The following MYO1E variants were observed in gnomAD, a reference collection of about 807,000 sequenced individuals.
MYO1E encodes unconventional myosin-Ie.
In MYO1E, 68 loss-of-function variants were observed where a neutral mutation model predicts 151.1. That is an observed-to-expected ratio of 0.45 (90% CI 0.37 to 0.55). MYO1E has a LOEUF of 0.55. Among genes scored for constraint, MYO1E ranks in the 20% least tolerant of loss-of-function variants. MYO1E has a pLI of 0.00. For missense variants in MYO1E, 1,363 were observed against 1,389.3 expected (o/e 0.98, Z 0.30); for synonymous variants, 601 against 501.7 (o/e 1.20, Z -2.64).
intron 1 of MYO1E, among the ~76,000 whole-genome samples, chr15:59,298,467 G>A (rs1454381436): frequency 6.6e-6 from 1 of 152,186 alleles, no homozygotes; most frequent in Non-Finnish European, 1.5e-5. Context: ...AGAACTATGA[G>A]TCAAGGTGAT....
intron 19 of MYO1E, among the ~76,000 whole-genome samples, chr15:59,175,029 G>GTGA (rs1205593989): frequency 4.6e-5 from 7 of 152,128 alleles, no homozygotes; most frequent in African/African-American, 1.4e-4. Flanking sequence ...TGGGGCAGAA[G>GTGA]TCACCCTAGA....
At position 59,174,204 on chromosome 15, in the gene MYO1E, C is replaced by T. The variant is rs1282962090; in HGVS notation, c.2086G>A (p.Asp696Asn). The change falls in exon 20 of 28, where the codon GAT becomes AAT. Residue 696 changes from aspartate (D) to asparagine (N), a missense_variant. Coordinates refer to ENST00000288235, the MANE Select transcript of MYO1E (RefSeq NM_004998.4). ...LLEEMRERKY[D>N]GYARVIQKSW... ...TTCTGTATCACTCGAGCATACCCAT[C>T]ATACTTTCTCTCTCTCATCTCTTCT... The T allele has an allele frequency of 6.2e-7, 1 of 1,613,954 alleles. No homozygotes were observed. The highest frequency in any genetic ancestry group is 1.3e-5 in the African/African-American group (1 of 74,938).
Position 59,153,636 on chromosome 15 carries a change from G to T in MYO1E, c.3034C>A (p.Pro1012Thr), listed in dbSNP as rs746556749. Reference sequence around the variant, plus strand: ...ACCTTGAGGAAATCCAGGCTCTCTGGCGTCTGTGACACTCGGTCTGAACTG... The same window carrying T: ...ACCTTGAGGAAATCCAGGCTCTCTGTCGTCTGTGACACTCGGTCTGAACTG... ...STSSDRVSQT[P>T]ESLDFLKVPD... Residue 1012 changes from proline to threonine, a missense_variant, in exon 26 of 28, where the codon CCA becomes ACA. By Grantham distance (38) the Pro-to-Thr change is conservative (BLOSUM62 -1). Transcript: ENST00000288235. The T allele has an allele frequency of 2.0e-5, 32 of 1,614,028 alleles. No homozygotes were observed. The highest frequency in any genetic ancestry group is 8.3e-5 in the Admixed American group (5 of 60,012).
intron 1 of MYO1E, among the ~76,000 whole-genome samples, chr15:59,319,870 C>G (rs1021375765): frequency 6.6e-6 from 1 of 152,056 alleles, no homozygotes; most frequent in African/African-American, 2.4e-5. Flanking sequence ...CCATTGCACT[C>G]CAGCCTGGGC....
chr15:59,281,279 T>G (rs1335451560), intron 1 of MYO1E, among the ~76,000 whole-genome samples: 9 of 149,916 alleles, frequency 6.0e-5, no homozygotes, highest in African/African-American at 2.0e-4. Flanking sequence ...TTCTTTTCTT[T>G]CTTTTTTTTT....
intron 18 of MYO1E, 72 bp downstream of exon 18, chr15:59,188,046 G>A (rs1032310191): frequency 1.7e-6 from 2 of 1,155,270 alleles, no homozygotes; most frequent in African/African-American, 1.5e-5. Context: ...CTTGAAGTGG[G>A]TGAATTGTAT....
At chr15:59,336,779 G>A (rs754221967) in intron 1 of MYO1E, among the ~76,000 whole-genome samples, 1 of 131,420 alleles carries the variant, frequency 7.6e-6, no homozygotes, top group Non-Finnish European at 1.6e-5. Flanking sequence ...AGTGTGTGAT[G>A]TTCCCCTCCC....
intron 1 of MYO1E, among the ~76,000 whole-genome samples, chr15:59,311,238 T>C (rs1470831528): frequency 3.9e-5 from 6 of 151,988 alleles, no homozygotes; most frequent in Admixed American, 1.3e-4. Flanking sequence ...TCCATGACAG[T>C]CATAGGAGTG....
At chr15:59,325,630 A>AAAG (rs2080658887) in intron 1 of MYO1E, among the ~76,000 whole-genome samples, 1 of 152,246 alleles carries the variant, frequency 6.6e-6, no homozygotes, top group South Asian at 2.1e-4. Flanking sequence ...ATGAAGGAAT[A>AAAG]CTAAGATTTT....
At position 59,196,562 on chromosome 15, in the gene MYO1E, C is replaced by T. The variant is rs2079767566; in HGVS notation, c.1699-995G>A. The stretch of plus-strand genomic sequence containing the variant: ...CATTACAGTCAGCAGAAGAGATTTG[C>T]TTGCAAGACACAACCCTGTCTCAAT... On this transcript the variant is annotated intron_variant, in intron 16 of 27. Transcript: ENST00000288235. Among the ~76,000 whole-genome samples the T allele has an allele frequency of 2.6e-5, 4 of 152,206 alleles. No individual in the cohort carries two copies. The South Asian group carries it at 8.3e-4, about 31-fold the overall frequency.
At chr15:59,232,160 T>C (rs2080032219) in intron 5 of MYO1E, among the ~76,000 whole-genome samples, 1 of 152,196 alleles carries the variant, frequency 6.6e-6, no homozygotes, top group Non-Finnish European at 1.5e-5. Context: ...TTCTTCTCAC[T>C]ACCCCTTCCC....
At chr15:59,203,619 C>T (rs1188065437) in intron 15 of MYO1E, among the ~76,000 whole-genome samples, 1 of 152,140 alleles carries the variant, frequency 6.6e-6, no homozygotes, top group Non-Finnish European at 1.5e-5. Context: ...CGTGATCCAC[C>T]CACCTTGGCC....
At chr15:59,205,694 G>C (rs1323170568) in intron 14 of MYO1E, among the ~76,000 whole-genome samples, 1 of 152,154 alleles carries the variant, frequency 6.6e-6, no homozygotes, top group Non-Finnish European at 1.5e-5. Flanking sequence ...TTACTTGTTA[G>C]CTGACTTAGT....
At chr15:59,213,376 G>A (rs1290356330) in intron 12 of MYO1E, among the ~76,000 whole-genome samples, 1 of 151,872 alleles carries the variant, frequency 6.6e-6, no homozygotes, top group African/African-American at 2.4e-5. Flanking sequence ...TCATCATGTT[G>A]GCCAGGCTGG....
intron 26 of MYO1E, among the ~76,000 whole-genome samples, chr15:59,146,742 G>T (rs1185665659): frequency 2.0e-5 from 3 of 148,800 alleles, no homozygotes; most frequent in Non-Finnish European, 4.4e-5. Context: ...ATTTATATAT[G>T]TAATATACAT....
intron 18 of MYO1E, 100 bp from the exon 19 acceptor site, chr15:59,178,637 T>G: frequency 7.0e-7 from 1 of 1,437,000 alleles, no homozygotes; most frequent in Non-Finnish European, 9.5e-7. Context: ...AGGTGCCCAG[T>G]GCTGCAAAGT....
chr15:59,143,546 G>T (rs976690175), intron 26 of MYO1E, among the ~76,000 whole-genome samples: 2 of 152,162 alleles, frequency 1.3e-5, no homozygotes, highest in Non-Finnish European at 2.9e-5. Flanking sequence ...CACCCTTCTT[G>T]TGAGGGCTAG....
At chr15:59,172,623 G>C (rs187002884) in intron 21 of MYO1E, among the ~76,000 whole-genome samples, 2 of 152,336 alleles carry the variant, frequency 1.3e-5, no homozygotes, top group East Asian at 3.9e-4. Context: ...TATCAGGACA[G>C]CAGGTGTAAA....
intron 1 of MYO1E, among the ~76,000 whole-genome samples, chr15:59,274,124 C>A (rs2080304722): frequency 6.6e-6 from 1 of 151,932 alleles, no homozygotes; most frequent in African/African-American, 2.4e-5. Flanking sequence ...CTGGGAAAAG[C>A]CATCTTTTAA....
Sources: gnomAD v4.1 joint callset for allele counts (sites outside exome capture counted in the v4.1 genomes callset) on GRCh38, gnomAD v4.1.1 for gene constraint, MANE v1.5 for transcripts, NCBI Gene and HGNC (gene_info 2026-07-23, HGNC 2026-07-21) for gene names.